Variants in PTCD1 observed in about 807,000 individuals in gnomAD.
PTCD1 encodes the protein pentatricopeptide repeat-containing protein 1, mitochondrial.
In PTCD1, 50 loss-of-function variants were observed where a neutral mutation model predicts 53.4. That is an observed-to-expected ratio of 0.94 (90% confidence interval 0.75 to 1.19). PTCD1 has a LOEUF of 1.19. PTCD1 is among the 50% of genes most tolerant of loss of function. PTCD1 has a pLI of 0.00. For missense variants in PTCD1, 918 were observed against 904.8 expected (o/e 1.01, Z -0.19); for synonymous variants, 413 against 394.8 (o/e 1.05, Z -0.55).
chr7:99,432,147 CCTGA>C (rs983427288), intron 3 of PTCD1, among the ~76,000 whole-genome samples: 5 of 152,182 alleles, frequency 3.3e-5, no homozygotes, highest in African/African-American at 9.7e-5. Flanking sequence ...AAGGGAAAGA[CCTGA>C]CTGTCTCCCA....
At chr7:99,433,708 C>T (rs1184415554) in intron 2 of PTCD1, among the ~76,000 whole-genome samples, 5 of 152,296 alleles carry the variant, frequency 3.3e-5, no homozygotes, top group Middle Eastern at 3.4e-3. Flanking sequence ...ACTGCATATA[C>T]GGCTGGGAAC....
chr7:99,419,580 C>T lies in PTCD1; in HGVS notation c.*387G>A, dbSNP rs1441632033. On this transcript the variant is annotated 3_prime_UTR_variant, in exon 8 of 8. Coordinates refer to ENST00000292478, the MANE Select transcript of PTCD1 (RefSeq NM_015545.4). ...TGGGGAAGGCTTCGCTGTCTATCAG[C>T]TGTGATTTGTAAAAATAAAATCTTT... The T allele has an allele frequency of 9.4e-6, 9 of 957,264 alleles. No homozygotes were observed. The highest frequency in any genetic ancestry group is 1.4e-5 in the Non-Finnish European group (9 of 633,288). 59.3% of individuals were successfully genotyped at this position (957,264 alleles called of 1,614,324 possible).
Position 99,425,146 on chromosome 7 carries a change from A to C in PTCD1, c.1386T>G (p.Ala462=), listed in dbSNP as rs774730987. The change falls in exon 6 of 8, where the codon GCT becomes GCG. Residue 462 remains alanine, a synonymous_variant. Coordinates refer to ENST00000292478, the MANE Select transcript of PTCD1 (RefSeq NM_015545.4). The stretch of plus-strand genomic sequence containing the variant: ...GGCCCCCTATCAAGGCCAGCCGGTC[A>C]GCTGGGGTGGTCACCGTTCCAAAGG... ...VVSFGTVTTP[A]DRLALIGGLE... is the part of the protein sequence containing the mutation. The C allele has an allele frequency of 3.1e-6, 5 of 1,613,916 alleles. No homozygotes were observed. The African/African-American group carries it at 6.7e-5, about 22-fold the overall frequency.
intron 2 of PTCD1, 65 bp downstream of exon 2, chr7:99,434,725 C>G (rs1796393151): frequency 6.2e-7 from 1 of 1,606,210 alleles, no homozygotes; most frequent in Admixed American, 1.7e-5. Flanking sequence ...CAGGTGACCC[C>G]TTGCAAAACA....
intron 7 of PTCD1, among the ~76,000 whole-genome samples, chr7:99,422,043 C>G (rs1363302996): frequency 6.6e-6 from 1 of 152,054 alleles, no homozygotes; most frequent in African/African-American, 2.4e-5. Flanking sequence ...AGGGAAGAGA[C>G]AATCCACTAG....
rs1365722013 is a variant in PTCD1, at chr7:99,417,414, C to G, written c.*2553G>C. On this transcript the variant is annotated 3_prime_UTR_variant, in exon 8 of 8. Coordinates refer to ENST00000292478, the MANE Select transcript of PTCD1 (RefSeq NM_015545.4). ...TAGACCATGGCCTGATGCTCTTTCCCCATCTTTTTGACAGAACTCTATGAA... is the reference window on the plus strand; with the variant it reads ...TAGACCATGGCCTGATGCTCTTTCCGCATCTTTTTGACAGAACTCTATGAA... 15 of 1,613,172 alleles carry G rather than the reference C, an allele frequency of 9.3e-6. No individual in the cohort carries two copies. Among genetic ancestry groups the G allele is most frequent in the Non-Finnish European group, 1.3e-5 (15 of 1,179,296 alleles).
chr7:99,426,687 T>C (rs960522708), intron 5 of PTCD1, among the ~76,000 whole-genome samples: 3 of 143,310 alleles, frequency 2.1e-5, no homozygotes, highest in Admixed American at 1.4e-4. Flanking sequence ...GTCTGGAAAG[T>C]GAGGAGCGTC....
rs947810949 is a variant in PTCD1 at position 99,420,047 on chromosome 7, G to C, written c.2023C>G (p.Gln675Glu). 2.6e-5 allele frequency: 42 copies of C among 1,614,110 alleles called. No homozygotes were observed. Among genetic ancestry groups the C allele is most frequent in the Non-Finnish European group, 3.4e-5 (40 of 1,180,042 alleles). The stretch of plus-strand genomic sequence containing the variant: ...CCCTGGGGCTTGGTCCGGAACTTCT[G>C]CCAGGGGTGCGGGGTTTCCTCTGCG... ...MPAEETPHPW[Q>E]KFRTKPQGDQ... The change falls in exon 8 of 8, where the codon CAG becomes GAG. Residue 675 changes from glutamine (Q) to glutamate (E), a missense_variant. Transcript: ENST00000292478.
intron 5 of PTCD1, among the ~76,000 whole-genome samples, chr7:99,427,469 G>C (rs1159522741): frequency 4.1e-5 from 6 of 147,732 alleles, no homozygotes; most frequent in Admixed American, 3.3e-4. Flanking sequence ...CGCCCCGTCC[G>C]GGAGGGAGGT....
rs1795674528 is a variant in PTCD1 at position 99,419,111 on chromosome 7, A to G, written c.*856T>C. The G allele has an allele frequency of 2.0e-6, 1 of 508,450 alleles. No homozygotes were observed. Among genetic ancestry groups the G allele is most frequent in the Non-Finnish European group, 3.6e-6 (1 of 280,160 alleles). 31.5% of individuals were successfully genotyped at this position (508,450 alleles called of 1,614,324 possible). Reference sequence around the variant, plus strand: ...CTCACTTAGCAGAATAACGAGACTCATTCACACCGATTTCTTTTTCTTGAT... The same window carrying G: ...CTCACTTAGCAGAATAACGAGACTCGTTCACACCGATTTCTTTTTCTTGAT... On this transcript the variant is annotated 3_prime_UTR_variant, in exon 8 of 8. Transcript: ENST00000292478.
rs1454085976 is a variant in PTCD1, at chr7:99,419,503, T to C, written c.*464A>G. 3 of 1,590,704 alleles carry C rather than the reference T, an allele frequency of 1.9e-6. No homozygotes were observed. The African/African-American group carries it at 4.0e-5, about 21-fold the overall frequency. ...GGTTCCTGCCTGTCACGCCACCCCC[T>C]TCCTGGGAGCAGCGAGCAGTGCCCC... On this transcript the variant is annotated 3_prime_UTR_variant, in exon 8 of 8. Coordinates refer to ENST00000292478, the MANE Select transcript of PTCD1 (RefSeq NM_015545.4).
chr7:99,419,861 C>T lies in PTCD1; in HGVS notation c.*106G>A. On this transcript the variant is annotated 3_prime_UTR_variant, in exon 8 of 8. Coordinates refer to ENST00000292478, the MANE Select transcript of PTCD1 (RefSeq NM_015545.4). ...CACCTGTGACACGCTGCGGCTGTTC[C>T]TCAGGGCCTGGCTCTTCCCCCAGGC... 1.3e-6 allele frequency: 2 copies of T among 1,583,836 alleles called. No homozygotes were observed. The highest frequency in any genetic ancestry group is 1.7e-5 in the Admixed American group (1 of 59,536).
In PTCD1 at chr7:99,420,062, T is replaced by C; in HGVS notation, c.2008A>G (p.Thr670Ala). 6.2e-7 allele frequency: 1 copy of C among 1,614,088 alleles called. No individual in the cohort carries two copies. Among genetic ancestry groups the C allele is most frequent in the South Asian group, 1.1e-5 (1 of 91,074 alleles). Residue 670 changes from threonine (T) to alanine (A), a missense_variant, in exon 8 of 8, where the codon ACC becomes GCC. Transcript: ENST00000292478. ...CGGAACTTCTGCCAGGGGTGCGGGG[T>C]TTCCTCTGCGGGCATCACTGTCAGC... The part of the protein sequence containing the change: ...QWLTVMPAEE[T>A]PHPWQKFRTK...
rs865774528 is a variant in PTCD1, at chr7:99,417,570, G to A, written c.*2397C>T. The A allele has an allele frequency of 3.1e-6, 5 of 1,612,718 alleles. No individual in the cohort carries two copies. Among genetic ancestry groups the A allele is most frequent in the Non-Finnish European group, 3.4e-6 (4 of 1,179,784 alleles). ...AACTTCGGGACGAACTGCATCTGCC[G>A]CGTGCCCAAAAGCAAGCTGGAAGTG... is the stretch of plus-strand genomic sequence containing the variant. On this transcript the variant is annotated 3_prime_UTR_variant, in exon 8 of 8. Transcript: ENST00000292478.
Position 99,434,150 on chromosome 7 carries a change from A to G in PTCD1, c.453+640T>C, listed in dbSNP as rs74840631. On this transcript the variant is annotated intron_variant, in intron 2 of 7. Transcript: ENST00000292478. ...TCAAGTGATGACAGGTGGTACGAACAAAACTAAAGCAGCGGCCAGGTGTAA... is the reference window on the plus strand; with the variant it reads ...TCAAGTGATGACAGGTGGTACGAACGAAACTAAAGCAGCGGCCAGGTGTAA... Among the ~76,000 whole-genome samples the G allele has an allele frequency of 1.2e-3, 178 of 152,284 alleles. 3 individuals carry two copies. In the East Asian group the frequency reaches 0.032, roughly 27 times the overall value.
At position 99,420,013 on chromosome 7, in the gene PTCD1, T is replaced by C; in HGVS notation, c.2057A>G (p.Asp686Gly). Residue 686 changes from aspartate to glycine, a missense_variant, in exon 8 of 8, where the codon GAC (aspartate) becomes GGC (glycine). Transcript: ENST00000292478. ...TCCGTCATCAGCCTCCTTGCCGGTGTCCTGGTCCCCCTGGGGCTTGGTCCG... is the reference window on the plus strand; with the variant it reads ...TCCGTCATCAGCCTCCTTGCCGGTGCCCTGGTCCCCCTGGGGCTTGGTCCG... ...KFRTKPQGDQ[D>G]TGKEADDGCA... 1 of 1,614,190 alleles carries C rather than the reference T, an allele frequency of 6.2e-7. No homozygotes were observed.
At chr7:99,423,233 T>C (rs888921386) in intron 7 of PTCD1, among the ~76,000 whole-genome samples, 4 of 151,954 alleles carry the variant, frequency 2.6e-5, no homozygotes, top group African/African-American at 9.7e-5. Flanking sequence ...CTGTTTGGAG[T>C]ACCCAGCAAC....
chr7:99,428,123 C>T (rs1470167147), intron 5 of PTCD1, among the ~76,000 whole-genome samples: 3 of 151,766 alleles, frequency 2.0e-5, no homozygotes, highest in African/African-American at 4.8e-5. Flanking sequence ...AAAAATTGGC[C>T]GGGCGCGGTG....
Position 99,419,537 on chromosome 7 carries a change from GTT to G in PTCD1, c.*428_*429del. On this transcript the variant is annotated 3_prime_UTR_variant, in exon 8 of 8. Coordinates refer to ENST00000292478, the MANE Select transcript of PTCD1 (RefSeq NM_015545.4). ...GCAGCGAGCAGTGCCCCAGGCCCGA[GTT>G]GGAGCACGGTCTCTATGGGGAAGGC... 1 of 1,409,388 alleles carries G rather than the reference GTT, an allele frequency of 7.1e-7. No homozygotes were observed. Among genetic ancestry groups the G allele is most frequent in the African/African-American group, 1.4e-5 (1 of 70,780 alleles). The allele number at this position is 1,409,388 out of a possible 1,614,324, so 87.3% of individuals were successfully genotyped here.
Sources: gnomAD v4.1 joint callset for allele counts (sites outside exome capture counted in the v4.1 genomes callset) on GRCh38, gnomAD v4.1.1 for gene constraint, MANE v1.5 for transcripts, NCBI Gene and HGNC (gene_info 2026-07-23, HGNC 2026-07-21) for gene names.